Variants in ASB2 observed in about 807,000 individuals in gnomAD.
ASB2 encodes ankyrin repeat and SOCS box protein 2.
ASB2 carries 58 observed loss-of-function variants against 62.4 expected under a neutral mutation model. That is an observed-to-expected ratio of 0.93 (90% confidence interval 0.75 to 1.16). The LOEUF (loss-of-function observed/expected upper bound fraction) is 1.16, where lower values mean the gene tolerates loss of function less well. Ranked by LOEUF, ASB2 falls within the 50% of genes most tolerant of loss-of-function variation. The pLI is 0.00. For synonymous variants in ASB2, 386 were observed against 385.3 expected (o/e 1.00, Z -0.02); for missense variants, 928 against 887.9 (o/e 1.05, Z -0.57).
chr14:93,961,401 C>T (rs1053924403), intron 2 of ASB2, among the ~76,000 whole-genome samples: 1 of 152,198 alleles, frequency 6.6e-6, no homozygotes, highest in Non-Finnish European at 1.5e-5. Flanking sequence ...TTCACTCATT[C>T]ACAGATAGCC....
rs932428301 is a variant in ASB2 at position 93,939,726 on chromosome 14, T to A, written c.1053-54A>T. On this transcript the variant is annotated intron_variant, in intron 7 of 9. Transcript: ENST00000555019. ...AGGGGAGGGTCGGGGTGTGGACGGG[T>A]AGGGCCGGCCCCGCCAGCAGGAGAG... The A allele has an allele frequency of 3.1e-6, 4 of 1,297,592 alleles. No homozygotes were observed. In the South Asian group the frequency reaches 7.0e-5, roughly 23 times the overall value. 80.4% of individuals were successfully genotyped at this position (1,297,592 alleles called of 1,614,324 possible). A position where few individuals can be genotyped will look rare whatever the true frequency, so the allele number is the denominator to read the frequency against.
Position 93,951,015 on chromosome 14 carries a change from C to T in ASB2, c.864G>A (p.Arg288=). Residue 288 remains arginine (R), a synonymous_variant, in exon 6 of 10, where the codon AGG becomes AGA. Coordinates refer to ENST00000555019, the MANE Select transcript of ASB2 (RefSeq NM_001202429.2). ...GCCACTCACCGTACTTGGCTAAGAACCTCAAGGCCTCCAACTGTCCACTCT... is the reference window on the plus strand; with the variant it reads ...GCCACTCACCGTACTTGGCTAAGAATCTCAAGGCCTCCAACTGTCCACTCT... ...AAQSGQLEAL[R]FLAKYGADIN... is the part of the protein sequence containing the mutation. The T allele has an allele frequency of 6.2e-7, 1 of 1,613,744 alleles. No homozygotes were observed. Among genetic ancestry groups the T allele is most frequent in the Non-Finnish European group, 8.5e-7 (1 of 1,179,858 alleles).
chr14:93,944,287 A>G (rs944936720), intron 7 of ASB2, among the ~76,000 whole-genome samples: 2 of 152,168 alleles, frequency 1.3e-5, no homozygotes, highest in Non-Finnish European at 2.9e-5. Flanking sequence ...CTTTGATTTC[A>G]TACGGTGGCT....
intron 1 of ASB2, among the ~76,000 whole-genome samples, chr14:93,968,505 T>A (rs1595335472): frequency 6.6e-6 from 1 of 152,186 alleles, no homozygotes; most frequent in Non-Finnish European, 1.5e-5. Flanking sequence ...CAATGCTCTT[T>A]CTGGCAATTC....
rs35800977 is a variant in ASB2 at position 93,962,107 on chromosome 14, CTTTTTTTTTTTTTT to C, written c.206+2213_206+2226del. ...GGGGAGAAGAATTTCATTAAACATT[CTTTTTTTTTTTTTT>C]TTTTTTTTTTTGAGATGGAGTCTCG... is the stretch of plus-strand genomic sequence containing the variant. On this transcript the variant is annotated intron_variant, in intron 2 of 9. Coordinates refer to ENST00000555019, the MANE Select transcript of ASB2 (RefSeq NM_001202429.2). Among the ~76,000 whole-genome samples, 5 of 73,020 alleles carry C rather than the reference CTTTTTTTTTTTTTT, an allele frequency of 6.8e-5. No homozygotes were observed. In the Admixed American group the frequency reaches 1.1e-3, roughly 16 times the overall value. The allele number at this position is 73,020 out of a possible 152,430, so 47.9% of individuals were successfully genotyped here. A position where few individuals can be genotyped will look rare whatever the true frequency, so the allele number is the denominator to read the frequency against.
intron 1 of ASB2, among the ~76,000 whole-genome samples, chr14:93,973,677 T>A (rs1889827006): frequency 6.6e-6 from 1 of 152,212 alleles, no homozygotes; most frequent in African/African-American, 2.4e-5. Context: ...TTCTGCTGCC[T>A]CCTGGCCCTG....
chr14:93,939,784 C>G, intron 7 of ASB2, 112 bp from the exon 8 acceptor site: 1 of 864,094 alleles, frequency 1.2e-6, no homozygotes, highest in Non-Finnish European at 1.6e-6. Context: ...TCGCCCTGAC[C>G]GCGGGCTGCG....
chr14:93,973,460 G>GT (rs1162589697), intron 1 of ASB2, among the ~76,000 whole-genome samples: 2 of 152,334 alleles, frequency 1.3e-5, no homozygotes, highest in South Asian at 2.1e-4. Flanking sequence ...CCTGTAGAAG[G>GT]TTTTTTGAAT....
At chr14:93,951,288 G>C (rs763670092) in intron 5 of ASB2, 44 bp from the exon 6 acceptor site, 1 of 1,555,652 alleles carries the variant, frequency 6.4e-7, no homozygotes. Context: ...GGCCTGGCAG[G>C]AACTGGCCAG....
Position 93,939,434 on chromosome 14 carries a change from G to T in ASB2, c.1291C>A (p.Leu431Met), listed in dbSNP as rs930394408. The T allele has an allele frequency of 1.9e-6, 3 of 1,612,632 alleles. No homozygotes were observed. In the Admixed American group the frequency reaches 5.0e-5, roughly 27 times the overall value. Residue 431 changes from leucine (L) to methionine (M), a missense_variant, in exon 8 of 10, where the codon CTG becomes ATG. Physicochemically the swap from Leu to Met is conservative, Grantham distance 15 (BLOSUM62 2). Transcript: ENST00000555019. ...CGGTTGGGGTCGGCGCCGTGTTGCA[G>T]CAGCAGCTCGGTGGCGTACACGTTG... Reference protein sequence around the residue: ...NNNVYATELLLQHGADPNRDV... With the variant: ...NNNVYATELLMQHGADPNRDV...
chr14:93,956,743 G>C (rs1475160659), intron 3 of ASB2, 23 bp downstream of exon 3: 1 of 1,613,812 alleles, frequency 6.2e-7, no homozygotes, highest in South Asian at 1.1e-5. Context: ...GGATGGTCCT[G>C]GGGCCAGACA....
rs146480080 is a variant in ASB2, at chr14:93,956,839, G to A, written c.238C>T (p.Arg80Trp). The A allele has an allele frequency of 3.1e-4, 503 of 1,614,198 alleles. 1 individual carries two copies. Among genetic ancestry groups the A allele is most frequent in the African/African-American group, 1.0e-3 (77 of 75,060 alleles). ...CCTTGGAACAAGCCCATTGGGGCCCGGGCCGGCGAACTCTCAGGAGGTGCA... is the reference window on the plus strand; with the variant it reads ...CCTTGGAACAAGCCCATTGGGGCCCAGGCCGGCGAACTCTCAGGAGGTGCA... ...STAPPESSPA[R>W]APMGLFQGVM... Residue 80 changes from arginine (R) to tryptophan (W), a missense_variant, in exon 3 of 10, where the codon CGG becomes TGG. Transcript: ENST00000555019.
At chr14:93,966,996 A>G (rs1378894611) in intron 1 of ASB2, among the ~76,000 whole-genome samples, 1 of 152,230 alleles carries the variant, frequency 6.6e-6, no homozygotes, top group East Asian at 1.9e-4. Context: ...TGTTATTTAC[A>G]GCAGTAGCAG....
At chr14:93,955,062 A>G (rs752753703) in intron 3 of ASB2, 18 of 456,656 alleles carry the variant, frequency 3.9e-5, no homozygotes, top group Admixed American at 7.0e-5. Flanking sequence ...CCCTTTGTTC[A>G]TTCATTGCTT....
At chr14:93,950,240 G>A (rs1020030105) in intron 6 of ASB2, among the ~76,000 whole-genome samples, 9 of 152,226 alleles carry the variant, frequency 5.9e-5, no homozygotes, top group Non-Finnish European at 1.3e-4. Flanking sequence ...TGGCTTCTCT[G>A]TTGCTAGAGA....
Position 93,934,174 on chromosome 14 carries a change from G to A in ASB2, c.*482C>T, listed in dbSNP as rs1260761229. On this transcript the variant is annotated 3_prime_UTR_variant, in exon 10 of 10. Coordinates refer to ENST00000555019, the MANE Select transcript of ASB2 (RefSeq NM_001202429.2). Reference sequence around the variant, plus strand: ...ACTTCACTGGGCAGGTGTCACATGTGTAACATTTATTATATTAATACTTAA... The same window carrying A: ...ACTTCACTGGGCAGGTGTCACATGTATAACATTTATTATATTAATACTTAA... The A allele has an allele frequency of 1.8e-5, 8 of 454,488 alleles. No homozygotes were observed. Among genetic ancestry groups the A allele is most frequent in the Admixed American group, 9.4e-5 (4 of 42,408 alleles). 28.2% of individuals were successfully genotyped at this position (454,488 alleles called of 1,614,324 possible). A position where few individuals can be genotyped will look rare whatever the true frequency, so the allele number is the denominator to read the frequency against.
chr14:93,957,316 G>A (rs1889261788), intron 2 of ASB2: 3 of 1,065,728 alleles, frequency 2.8e-6, no homozygotes, highest in Non-Finnish European at 3.4e-6. Context: ...GCAGAGGATA[G>A]GGGAGCAAAG....
At chr14:93,967,019 T>G (rs1393947720) in intron 1 of ASB2, among the ~76,000 whole-genome samples, 4 of 152,226 alleles carry the variant, frequency 2.6e-5, no homozygotes, top group Non-Finnish European at 5.9e-5. Context: ...GTTTTATTTA[T>G]TGTGAAAGGA....
chr14:93,950,986 CT>C lies in ASB2; in HGVS notation c.880+12del. 1 of 1,609,724 alleles carries C rather than the reference CT, an allele frequency of 6.2e-7. No homozygotes were observed. The highest frequency in any genetic ancestry group is 8.5e-7 in the Non-Finnish European group (1 of 1,177,670). Reference sequence around the variant, plus strand: ...TTGGGGACTCCATGACCTAGGGACCCTTAGCCACTCACCGTACTTGGCTAAG... The same window carrying C: ...TTGGGGACTCCATGACCTAGGGACCCTAGCCACTCACCGTACTTGGCTAAG... On this transcript the variant is annotated intron_variant, in intron 6 of 9. Transcript: ENST00000555019.
Sources: gnomAD v4.1 joint callset for allele counts (sites outside exome capture counted in the v4.1 genomes callset) on GRCh38, gnomAD v4.1.1 for gene constraint, MANE v1.5 for transcripts, NCBI Gene and HGNC (gene_info 2026-07-23, HGNC 2026-07-21) for gene names.